The following ELFN2 variants were observed in gnomAD, a reference collection of about 807,000 sequenced individuals.
ELFN2 encodes extracellular leucine rich repeat and fibronectin type III domain containing 2.
ELFN2 carries 17 observed loss-of-function variants against 45.5 expected under a neutral mutation model. That is an observed-to-expected ratio of 0.37 (90% confidence interval 0.26 to 0.56). ELFN2 has a LOEUF of 0.56. ELFN2 is among the 20% of genes least tolerant of loss of function. ELFN2 has a pLI of 0.77. For synonymous variants in ELFN2, 550 were observed against 551.5 expected (o/e 1.00, Z 0.04); for missense variants, 922 against 1,183.2 (o/e 0.78, Z 3.24).
chr22:37,405,835 G>T lies in ELFN2; in HGVS notation c.-463+11934C>A, dbSNP rs1389950479. On this transcript the variant is annotated intron_variant, in intron 2 of 2. Transcript: ENST00000402918. ...TCCTCCCTTTAGGAAAAAAAAAAAGGGTGGAGGGGGGGTGGTCCTGGGCAG... is the reference window on the plus strand; with the variant it reads ...TCCTCCCTTTAGGAAAAAAAAAAAGTGTGGAGGGGGGGTGGTCCTGGGCAG... Among the ~76,000 whole-genome samples, 7 of 150,670 alleles carry T rather than the reference G, an allele frequency of 4.6e-5. No homozygotes were observed. In the East Asian group the frequency reaches 1.4e-3, roughly 29 times the overall value.
intron 1 of ELFN2, among the ~76,000 whole-genome samples, chr22:37,358,255 T>TC (rs1179119654): frequency 1.3e-5 from 2 of 151,608 alleles, no homozygotes; most frequent in Non-Finnish European, 2.9e-5. Flanking sequence ...TAAGTTCAAA[T>TC]CCCCCCCAGT....
chr22:37,355,567 C>T (rs1206729867), intron 1 of ELFN2, among the ~76,000 whole-genome samples: 1 of 152,172 alleles, frequency 6.6e-6, no homozygotes. Flanking sequence ...CATCCCTGAG[C>T]ACCCATCGAT....
chr22:37,391,563 A>T (rs1366837236), intron 2 of ELFN2, among the ~76,000 whole-genome samples: 1 of 152,086 alleles, frequency 6.6e-6, no homozygotes, highest in Non-Finnish European at 1.5e-5. Context: ...ATGATAAGAG[A>T]CATGCCCAAG....
chr22:37,391,542 G>A (rs991810168), intron 2 of ELFN2, among the ~76,000 whole-genome samples: 15 of 152,124 alleles, frequency 9.9e-5, no homozygotes, highest in African/African-American at 3.6e-4. Context: ...TGAGGGAACT[G>A]AGGCTGAGAA....
chr22:37,373,474 GC>G lies in ELFN2; in HGVS notation c.2060del (p.Gly687AlafsTer13). ...GGTGGATGCCCCCGCCCCCGCCGCT[GC>G]CCCCGCCGCTGCCCGCCGGCACCAG... Reference protein sequence around the residue: ...LPLVPAGSGGGSGGGGGIHHL... With the variant: ...LPLVPAGSGGXSGGGGGIHHL... On this transcript the variant is annotated frameshift_variant, in exon 3 of 3. Transcript: ENST00000402918. LOFTEE classifies it high-confidence loss of function. 1 of 1,532,360 alleles carries G rather than the reference GC, an allele frequency of 6.5e-7. No individual in the cohort carries two copies. The highest frequency in any genetic ancestry group is 8.8e-7 in the Non-Finnish European group (1 of 1,141,564). 94.9% of individuals were successfully genotyped at this position (1,532,360 alleles called of 1,614,324 possible).
chr22:37,401,514 C>T (rs1485321742), intron 2 of ELFN2, among the ~76,000 whole-genome samples: 1 of 152,200 alleles, frequency 6.6e-6, no homozygotes, highest in East Asian at 1.9e-4. Flanking sequence ...GCCAGCTGCT[C>T]CACTCCCAGC....
chr22:37,359,749 C>T (rs774499141), intron 1 of ELFN2, among the ~76,000 whole-genome samples: 2 of 152,218 alleles, frequency 1.3e-5, no homozygotes, highest in Admixed American at 6.5e-5. Context: ...GGAGCCTACC[C>T]TAAGAAGTTT....
At chr22:37,403,164 G>A (rs1474989006) in intron 2 of ELFN2, among the ~76,000 whole-genome samples, 2 of 151,800 alleles carry the variant, frequency 1.3e-5, no homozygotes, top group African/African-American at 4.8e-5. Flanking sequence ...CCCCCATGAG[G>A]TATCACTCCA....
intron 1 of ELFN2, among the ~76,000 whole-genome samples, chr22:37,344,580 G>A (rs1375690492): frequency 6.6e-6 from 1 of 151,966 alleles, no homozygotes; most frequent in Non-Finnish European, 1.5e-5. Flanking sequence ...CATTCCTCCC[G>A]GCCCTCATCC....
At chr22:37,356,299 T>C (rs965266031) in intron 1 of ELFN2, among the ~76,000 whole-genome samples, 2 of 152,146 alleles carry the variant, frequency 1.3e-5, no homozygotes, top group Non-Finnish European at 2.9e-5. Flanking sequence ...AATTCCCCAG[T>C]TGCACTTGAG....
chr22:37,391,219 C>A (rs566880986), intron 2 of ELFN2, among the ~76,000 whole-genome samples: 3 of 152,262 alleles, frequency 2.0e-5, no homozygotes, highest in South Asian at 4.1e-4. Flanking sequence ...GGCTCCCGAC[C>A]CCCATCCCAG....
At chr22:37,349,399 A>T (rs1483326554) in intron 1 of ELFN2, among the ~76,000 whole-genome samples, 1 of 151,078 alleles carries the variant, frequency 6.6e-6, no homozygotes, top group African/African-American at 2.4e-5. Flanking sequence ...CACCTGCCCC[A>T]GTTTGGGGCA....
chr22:37,383,903 G>C lies in ELFN2; in HGVS notation c.-462-7907C>G, dbSNP rs370468935. Among the ~76,000 whole-genome samples the C allele has an allele frequency of 3.3e-5, 5 of 152,272 alleles. No individual in the cohort carries two copies. In the East Asian group the frequency reaches 7.7e-4, roughly 23 times the overall value. On this transcript the variant is annotated intron_variant, in intron 2 of 2. Transcript: ENST00000402918. ...CAAAGAAGGGGCATGGGGCTGGGCC[G>C]CTGAGCCGCAGTGTGACCTCGGGCA... is the stretch of plus-strand genomic sequence containing the variant.
intron 2 of ELFN2, among the ~76,000 whole-genome samples, chr22:37,381,587 C>T (rs1036297607): frequency 6.6e-6 from 1 of 151,998 alleles, no homozygotes; most frequent in Admixed American, 6.6e-5. Context: ...TCACTCCTCA[C>T]CCAACCCAGG....
chr22:37,385,959 G>A (rs374909242), intron 2 of ELFN2, among the ~76,000 whole-genome samples: 3 of 152,230 alleles, frequency 2.0e-5, no homozygotes, highest in South Asian at 4.1e-4. Context: ...AATTCTACAG[G>A]ACTTTAAGCT....
chr22:37,346,714 G>T (rs1311377050), intron 1 of ELFN2, among the ~76,000 whole-genome samples: 1 of 152,084 alleles, frequency 6.6e-6, no homozygotes, highest in African/African-American at 2.4e-5. Flanking sequence ...ACACGGAGAG[G>T]CACGGCTCCT....
At chr22:37,396,110 G>A (rs575099429) in intron 2 of ELFN2, among the ~76,000 whole-genome samples, 10 of 152,336 alleles carry the variant, frequency 6.6e-5, no homozygotes, top group East Asian at 3.9e-4. Context: ...CAGGCACACC[G>A]TGGAAAACAC....
At chr22:37,393,502 G>A (rs6000709) in intron 2 of ELFN2, among the ~76,000 whole-genome samples, 46,362 of 152,106 alleles carry the variant, frequency 0.3, 7,661 homozygotes, top group African/African-American at 0.42. Flanking sequence ...ACCAGTTGCC[G>A]GACTCCAACT....
chr22:37,364,346 G>A (rs4820284), downstream of ELFN2, among the ~76,000 whole-genome samples: 47,542 of 152,106 alleles, frequency 0.31, 9,023 homozygotes, highest in Admixed American at 0.54. Context: ...GAGGGGCTCC[G>A]GAAGAAGCAC....
Sources: allele counts gnomAD v4.1 joint callset (sites outside exome capture counted in the v4.1 genomes callset), GRCh38; gene constraint gnomAD v4.1.1; transcripts MANE v1.5; gene names NCBI Gene and HGNC (gene_info 2026-07-23, HGNC 2026-07-21).